ZEB2: variants seen among roughly 807,000 people sequenced by gnomAD.
The protein encoded by ZEB2 is zinc finger E-box-binding homeobox 2.
In ZEB2, 6 loss-of-function variants were observed where a neutral mutation model predicts 99.9. The ratio of observed to expected loss-of-function variants is 0.06; its 90% CI spans 0.03 to 0.12. The LOEUF (loss-of-function observed/expected upper bound fraction) is 0.12, where lower values mean the gene tolerates loss of function less well. Ranked by LOEUF, ZEB2 falls within the 10% of genes least tolerant of loss-of-function variation. ZEB2 has a pLI of 1.00. For synonymous variants in ZEB2, 517 were observed against 542.5 expected (o/e 0.95, Z 0.65); for missense variants, 969 against 1,502.8 (o/e 0.64, Z 5.87).
intron 2 of ZEB2, among the ~76,000 whole-genome samples, chr2:144,477,922 G>T (rs925204315): frequency 1.3e-5 from 2 of 152,172 alleles, no homozygotes; most frequent in African/African-American, 4.8e-5. Flanking sequence ...TCTTTTCCTA[G>T]AATCTATTGC....
At chr2:144,495,085 G>A (rs981263470) in intron 2 of ZEB2, 5 of 151,984 alleles carry the variant, frequency 3.3e-5, no homozygotes, top group Non-Finnish European at 5.9e-5. Flanking sequence ...TGCTATGTTC[G>A]GTCCTTGAAC....
chr2:144,445,732 G>A (rs1703975102), intron 2 of ZEB2, among the ~76,000 whole-genome samples: 1 of 152,028 alleles, frequency 6.6e-6, no homozygotes, highest in South Asian at 2.1e-4. Context: ...AAATGGTGAA[G>A]ATGATCGAAA....
In ZEB2 at chr2:144,404,957, A is replaced by G. The variant is rs775694100; in HGVS notation, c.471T>C (p.Asp157=). The G allele has an allele frequency of 6.2e-7, 1 of 1,614,268 alleles. No homozygotes were observed. The highest frequency in any genetic ancestry group is 1.7e-5 in the Admixed American group (1 of 60,032). The change falls in exon 5 of 10, where the codon GAT becomes GAC. Residue 157 remains aspartate, a synonymous_variant. Transcript: ENST00000627532. Reference sequence around the variant, plus strand: ...ACTCCTCGATGCTGACTGCATGACCATCGCGTTCCTCCAGTTTTCTTTTGG... The same window carrying G: ...ACTCCTCGATGCTGACTGCATGACCGTCGCGTTCCTCCAGTTTTCTTTTGG... The part of the protein sequence containing the change: ...YFAKRKLEER[D]GHAVSIEEYL...
At chr2:144,481,519 G>T (rs921901642) in intron 2 of ZEB2, among the ~76,000 whole-genome samples, 19 of 152,248 alleles carry the variant, frequency 1.2e-4, no homozygotes, top group African/African-American at 4.6e-4. Flanking sequence ...GCCCCAAGGG[G>T]TACACTTTTA....
intron 4 of ZEB2, among the ~76,000 whole-genome samples, chr2:144,412,232 G>GC (rs1437840040): frequency 6.6e-6 from 1 of 152,214 alleles, no homozygotes; most frequent in Non-Finnish European, 1.5e-5. Context: ...TCGTGCCACT[G>GC]CACTCCAGCC....
chr2:144,393,531 C>T (rs1703180065), intron 9 of ZEB2, among the ~76,000 whole-genome samples: 1 of 152,186 alleles, frequency 6.6e-6, no homozygotes. Flanking sequence ...CATCTTAGTG[C>T]ATTCTCAAAA....
intron 2 of ZEB2, among the ~76,000 whole-genome samples, chr2:144,457,341 C>T (rs979579780): frequency 6.6e-6 from 1 of 152,136 alleles, no homozygotes; most frequent in Non-Finnish European, 1.5e-5. Flanking sequence ...CACATCACCT[C>T]GTGTTAGAAT....
intron 9 of ZEB2, 101 bp from the exon 10 acceptor site, chr2:144,390,129 A>C: frequency 8.3e-7 from 1 of 1,199,104 alleles, no homozygotes; most frequent in Non-Finnish European, 1.2e-6. Flanking sequence ...AAGCGTGTGT[A>C]CTTATGCCTG....
intron 3 of ZEB2, chr2:144,427,178 G>C (rs1703701206): frequency 6.6e-6 from 1 of 152,182 alleles, no homozygotes; most frequent in Non-Finnish European, 1.5e-5. Flanking sequence ...CCTTGAATAA[G>C]CAGAAAGAGG....
chr2:144,443,553 A>C (rs1703945593), intron 2 of ZEB2, among the ~76,000 whole-genome samples: 1 of 152,230 alleles, frequency 6.6e-6, no homozygotes, highest in South Asian at 2.1e-4. Context: ...ATAACAGTTA[A>C]GCGTAACCTG....
chr2:144,414,164 C>T (rs1448859666), intron 4 of ZEB2, among the ~76,000 whole-genome samples: 1 of 152,188 alleles, frequency 6.6e-6, no homozygotes, highest in Non-Finnish European at 1.5e-5. Context: ...AAAGAAGGAT[C>T]CTGTAAACTT....
At position 144,397,822 on chromosome 2, in the gene ZEB2, G is replaced by C. The variant is rs559573400; in HGVS notation, c.2886+479C>G. 3 of 275,386 alleles carry C rather than the reference G, an allele frequency of 1.1e-5. No individual in the cohort carries two copies. In the East Asian group the frequency reaches 3.4e-4, roughly 31 times the overall value. The allele number at this position is 275,386 out of a possible 1,614,324, so 17.1% of individuals were successfully genotyped here. A position where few individuals can be genotyped will look rare whatever the true frequency, so the allele number is the denominator to read the frequency against. The stretch of plus-strand genomic sequence containing the variant: ...CACCCAGCTAATTTTTGTATTTTTA[G>C]GACAGATGGTGTTTTACCATGTTGG... On this transcript the variant is annotated intron_variant, in intron 8 of 9. Transcript: ENST00000627532.
intron 2 of ZEB2, chr2:144,511,628 A>G (rs776965974): frequency 3.1e-6 from 4 of 1,286,744 alleles, no homozygotes; most frequent in South Asian, 1.2e-5. Context: ...CATTCAATAG[A>G]TTTTCCAAGT....
chr2:144,403,618 A>T lies in ZEB2; in HGVS notation c.807+298T>A, dbSNP rs1235355419. Among the ~76,000 whole-genome samples the T allele has an allele frequency of 2.0e-5, 3 of 152,338 alleles. No individual in the cohort carries two copies. In the East Asian group the frequency reaches 5.8e-4, roughly 29 times the overall value. ...AGATGTTTAATAATGTATAATTAAA[A>T]TGCTACAATTTCATTCACTTTTTGT... On this transcript the variant is annotated intron_variant, in intron 6 of 9. Transcript: ENST00000627532.
chr2:144,467,222 A>C (rs972100813), intron 2 of ZEB2, among the ~76,000 whole-genome samples: 3 of 152,114 alleles, frequency 2.0e-5, no homozygotes, highest in African/African-American at 7.2e-5. Flanking sequence ...TAAAATGTGA[A>C]TTGTATAACC....
intron 2 of ZEB2, chr2:144,512,895 C>T: frequency 7.8e-7 from 1 of 1,287,300 alleles, no homozygotes; most frequent in South Asian, 1.2e-5. Flanking sequence ...ACCTGCCACA[C>T]AACCTGCCCC....
chr2:144,427,613 G>GAGT (rs1441952752), intron 3 of ZEB2: 1 of 152,096 alleles, frequency 6.6e-6, no homozygotes, highest in African/African-American at 2.4e-5. Context: ...GATAAACAAT[G>GAGT]AGTAGCTTTT....
Position 144,402,511 on chromosome 2 carries a change from C to G in ZEB2, c.808-1204G>C, listed in dbSNP as rs559015385. Among the ~76,000 whole-genome samples the G allele has an allele frequency of 2.6e-5, 4 of 152,298 alleles. No homozygotes were observed. In the East Asian group the frequency reaches 5.8e-4, roughly 22 times the overall value. On this transcript the variant is annotated intron_variant, in intron 6 of 9. Transcript: ENST00000627532. ...AACAGCAACAGCTGCTTTGTCTCCC[C>G]CCACAGCCCTCAGAGGACTACTATA... is the stretch of plus-strand genomic sequence containing the variant.
intron 4 of ZEB2, among the ~76,000 whole-genome samples, chr2:144,411,813 G>T (rs1703468391): frequency 6.6e-6 from 1 of 152,212 alleles, no homozygotes. Context: ...AGTGGACAAG[G>T]AATGGGAATC....
Sources: allele counts gnomAD v4.1 joint callset (sites outside exome capture counted in the v4.1 genomes callset), GRCh38; gene constraint gnomAD v4.1.1; transcripts MANE v1.5; gene names NCBI Gene and HGNC (gene_info 2026-07-23, HGNC 2026-07-21).